RAD51C: variants seen among roughly 807,000 people sequenced by gnomAD.
RAD51C encodes RAD51 paralog C, also known as DNA repair protein RAD51 homolog 3.
RAD51C carries 42 observed loss-of-function variants against 45.0 expected under a neutral mutation model. The ratio of observed to expected loss-of-function variants is 0.93; its 90% confidence interval spans 0.73 to 1.21. The LOEUF (loss-of-function observed/expected upper bound fraction) is 1.21, where lower values mean the gene tolerates loss of function less well. Among genes scored for constraint, RAD51C ranks in the 50% most tolerant of loss-of-function variants. The probability of loss-of-function intolerance (pLI) is 0.00; values close to 1 mark genes in which losing one functional copy is unlikely to be tolerated. For synonymous variants in RAD51C, 172 were observed against 159.8 expected (o/e 1.08, Z -0.58); for missense variants, 474 against 452.2 (o/e 1.05, Z -0.44).
intron 5 of RAD51C, among the ~76,000 whole-genome samples, chr17:58,715,130 T>TA (rs1244626632): frequency 0.011 from 1,479 of 134,868 alleles, 10 homozygotes; most frequent in South Asian, 0.015. Context: ...TCCAGATTAT[T>TA]AAAAAAAAAA....
chr17:58,711,235 G>C (rs551564486), intron 5 of RAD51C, among the ~76,000 whole-genome samples: 1 of 152,228 alleles, frequency 6.6e-6, no homozygotes, highest in South Asian at 2.1e-4. Flanking sequence ...GACTAAAAAA[G>C]CAATCCAAAC....
At position 58,692,801 on chromosome 17, in the gene RAD51C, G is replaced by C. The variant is rs1177750681; in HGVS notation, c.145+13G>C. Reference sequence around the variant, plus strand: ...GAGCTTAGCAAAGGTAACGACTCCTGATGGCAAGCTGAGGCACACCGGCCG... The same window carrying C: ...GAGCTTAGCAAAGGTAACGACTCCTCATGGCAAGCTGAGGCACACCGGCCG... On this transcript the variant is annotated intron_variant, in intron 1 of 8. Transcript: ENST00000337432. 6.2e-7 allele frequency: 1 copy of C among 1,614,148 alleles called. No individual in the cohort carries two copies. The highest frequency in any genetic ancestry group is 1.3e-5 in the African/African-American group (1 of 75,062).
chr17:58,698,142 G>A (rs1034425381), intron 3 of RAD51C, among the ~76,000 whole-genome samples: 1 of 150,764 alleles, frequency 6.6e-6, no homozygotes, highest in Admixed American at 6.6e-5. Context: ...CTCCTGAGTA[G>A]CTGGAATTAT....
At chr17:58,706,210 C>T (rs1222718926) in intron 4 of RAD51C, among the ~76,000 whole-genome samples, 1 of 152,028 alleles carries the variant, frequency 6.6e-6, no homozygotes, top group South Asian at 2.1e-4. Context: ...AGGCAGATCA[C>T]GAAGTCAGGA....
intron 2 of RAD51C, 183 bp downstream of exon 2, chr17:58,695,372 A>G (rs552774899): frequency 1.8e-5 from 25 of 1,367,638 alleles, no homozygotes; most frequent in African/African-American, 5.8e-5. Flanking sequence ...TGATAAATGT[A>G]TGCAATTATT....
At position 58,709,918 on chromosome 17, in the gene RAD51C, G is replaced by C. The variant is rs1057523058; in HGVS notation, c.765G>C (p.Leu255=). 2 of 1,611,680 alleles carry C rather than the reference G, an allele frequency of 1.2e-6. No individual in the cohort carries two copies. The highest frequency in any genetic ancestry group is 2.2e-5 in the South Asian group (2 of 91,032). The change falls in exon 5 of 9, where the codon CTG becomes CTC. Residue 255 remains leucine (L), a synonymous_variant. Coordinates refer to ENST00000337432, the MANE Select transcript of RAD51C (RefSeq NM_058216.3). ...CATTTCGTCATGACCTAGATGACCT[G>C]TCTCTTCGTACTCGGTTATTAAATG... ...AFPFRHDLDD[L]SLRTRLLNGL... is the part of the protein sequence containing the mutation.
chr17:58,727,667 C>T (rs1043882119), intron 7 of RAD51C, among the ~76,000 whole-genome samples: 1 of 151,576 alleles, frequency 6.6e-6, no homozygotes, highest in African/African-American at 2.4e-5. Flanking sequence ...TGTTCTTTAT[C>T]ATTTGAAACC....
chr17:58,732,107 G>A (rs574790953), intron 7 of RAD51C, among the ~76,000 whole-genome samples: 7 of 152,118 alleles, frequency 4.6e-5, no homozygotes, highest in East Asian at 1.9e-4. Context: ...TTAGATGTGC[G>A]TATACATACT....
At chr17:58,704,185 A>C (rs1225721714) in intron 4 of RAD51C, among the ~76,000 whole-genome samples, 1 of 152,016 alleles carries the variant, frequency 6.6e-6, no homozygotes, top group Non-Finnish European at 1.5e-5. Context: ...ATTCTCTCAC[A>C]TTTGATAGTC....
chr17:58,722,459 A>C (rs1782935013), intron 6 of RAD51C, among the ~76,000 whole-genome samples: 1 of 152,132 alleles, frequency 6.6e-6, no homozygotes, highest in Middle Eastern at 3.2e-3. Flanking sequence ...GGAATGTTTA[A>C]TTGAATTTTA....
At chr17:58,730,255 C>G (rs1427494143) in intron 7 of RAD51C, among the ~76,000 whole-genome samples, 2 of 151,284 alleles carry the variant, frequency 1.3e-5, no homozygotes, top group Non-Finnish European at 2.9e-5. Flanking sequence ...ACCTCCACCT[C>G]CCCAGTTCAA....
chr17:58,719,997 C>T (rs1038653308), intron 5 of RAD51C, among the ~76,000 whole-genome samples: 34 of 151,198 alleles, frequency 2.2e-4, no homozygotes, highest in Non-Finnish European at 4.6e-4. Flanking sequence ...AGGATGGTCT[C>T]GATCTCCTGA....
intron 7 of RAD51C, among the ~76,000 whole-genome samples, chr17:58,725,674 T>C (rs2049093685): frequency 6.6e-6 from 1 of 152,058 alleles, no homozygotes; most frequent in Non-Finnish European, 1.5e-5. Flanking sequence ...ATTCACCTTC[T>C]TACAAATCCT....
chr17:58,727,283 C>A (rs1364092798), intron 7 of RAD51C, among the ~76,000 whole-genome samples: 3 of 151,984 alleles, frequency 2.0e-5, no homozygotes, highest in African/African-American at 7.2e-5. Flanking sequence ...TGCCACCACA[C>A]CTTGCTAATT....
At chr17:58,696,106 G>A (rs1221628940) in intron 2 of RAD51C, among the ~76,000 whole-genome samples, 2 of 151,312 alleles carry the variant, frequency 1.3e-5, no homozygotes, top group Non-Finnish European at 2.9e-5. Context: ...TATAATAAGG[G>A]GCTCCATTTT....
rs986771702 is a variant in RAD51C, at chr17:58,720,620, A to G, written c.838-126A>G. The G allele has an allele frequency of 3.9e-5, 27 of 694,452 alleles. No individual in the cohort carries two copies. The African/African-American group carries it at 4.4e-4, about 11-fold the overall frequency. 43.0% of individuals were successfully genotyped at this position (694,452 alleles called of 1,614,324 possible). ...CCGGAGTAGCTGGGATTACAGGTGC[A>G]TGCCACCATGTCTGGTTAATTTTTG... is the stretch of plus-strand genomic sequence containing the variant. On this transcript the variant is annotated intron_variant, in intron 5 of 8. Coordinates refer to ENST00000337432, the MANE Select transcript of RAD51C (RefSeq NM_058216.3).
intron 5 of RAD51C, among the ~76,000 whole-genome samples, chr17:58,712,807 A>G (rs1159724767): frequency 2.7e-5 from 4 of 147,238 alleles, no homozygotes; most frequent in Non-Finnish European, 6.0e-5. Context: ...CGACAGAGCA[A>G]GACTCCGTCT....
intron 3 of RAD51C, among the ~76,000 whole-genome samples, chr17:58,701,500 T>G (rs1302168209): frequency 6.7e-6 from 1 of 150,074 alleles, no homozygotes; most frequent in Admixed American, 6.6e-5. Flanking sequence ...AGAGCAAGAC[T>G]CCGTCTCAAA....
chr17:58,718,218 G>T (rs557822575), intron 5 of RAD51C, among the ~76,000 whole-genome samples: 9 of 152,126 alleles, frequency 5.9e-5, no homozygotes, highest in African/African-American at 2.2e-4. Context: ...GGCTGGTCTC[G>T]AACTCCTGAC....
Sources: gnomAD v4.1 joint callset for allele counts (sites outside exome capture counted in the v4.1 genomes callset) on GRCh38, gnomAD v4.1.1 for gene constraint, MANE v1.5 for transcripts, NCBI Gene and HGNC (gene_info 2026-07-23, HGNC 2026-07-21) for gene names.